Variants in SNX25 observed in about 807,000 individuals in gnomAD.
The protein encoded by SNX25 is sorting nexin-25.
SNX25 carries 62 observed loss-of-function variants against 113.7 expected under a neutral mutation model. That is an observed-to-expected ratio of 0.55 (90% confidence interval 0.44 to 0.67). The LOEUF (loss-of-function observed/expected upper bound fraction) is 0.67, where lower values mean the gene tolerates loss of function less well. SNX25 is among the 30% of genes least tolerant of loss of function. SNX25 has a pLI of 0.00. For missense variants in SNX25, 1,014 were observed against 1,161.0 expected (o/e 0.87, Z 1.84); for synonymous variants, 421 against 436.2 (o/e 0.97, Z 0.43).
chr4:185,216,413 G>A (rs1000922439), intron 1 of SNX25, among the ~76,000 whole-genome samples: 2 of 151,614 alleles, frequency 1.3e-5, no homozygotes, highest in African/African-American at 2.4e-5. Flanking sequence ...TATATGAATA[G>A]TGATAACTTC....
rs1219898678 is a variant in SNX25, at chr4:185,210,325, C to G, written c.429+70C>G. The G allele has an allele frequency of 2.0e-6, 2 of 984,182 alleles. No individual in the cohort carries two copies. Among genetic ancestry groups the G allele is most frequent in the Non-Finnish European group, 1.2e-6 (1 of 829,576 alleles). The allele number at this position is 984,182 out of a possible 1,614,324, so 61.0% of individuals were successfully genotyped here. ...GCTTCCGGTGCCAGCTCCCGCGCCC[C>G]GAGCTCCGGGGGGCCGCGGCATGCC... is the stretch of plus-strand genomic sequence containing the variant. On this transcript the variant is annotated intron_variant, in intron 1 of 18. Coordinates refer to ENST00000652585, the MANE Select transcript of SNX25 (RefSeq NM_001378034.2). This position sits in a 1 kb window ranked among gnomAD's most constrained non-coding sequence, Gnocchi z 4.4.
chr4:185,237,561 A>G (rs1234422312), intron 1 of SNX25, among the ~76,000 whole-genome samples: 1 of 151,860 alleles, frequency 6.6e-6, no homozygotes, highest in Non-Finnish European at 1.5e-5. Context: ...GTTGGTAAAC[A>G]TTTTGAGTTG....
At chr4:185,246,981 T>A (rs1579459896) in intron 1 of SNX25, among the ~76,000 whole-genome samples, 1 of 152,330 alleles carries the variant, frequency 6.6e-6, no homozygotes, top group East Asian at 1.9e-4. Flanking sequence ...CAAATTCTTC[T>A]TAAGAAAATT....
chr4:185,335,615 C>G (rs549889891), intron 10 of SNX25, among the ~76,000 whole-genome samples: 1 of 152,188 alleles, frequency 6.6e-6, no homozygotes, highest in East Asian at 1.9e-4. Flanking sequence ...TAAAATTAGC[C>G]TTTTAGTTTG....
intron 1 of SNX25, among the ~76,000 whole-genome samples, chr4:185,217,792 A>C (rs989092965): frequency 1.3e-5 from 2 of 152,210 alleles, no homozygotes; most frequent in Admixed American, 1.3e-4. Context: ...TTTGGTGCCG[A>C]GCGTTCAGGA....
Position 185,209,919 on chromosome 4 carries a change from C to T in SNX25, c.93C>T (p.Gly31=), listed in dbSNP as rs1737468394. The T allele has an allele frequency of 1.5e-5, 15 of 983,242 alleles. No individual in the cohort carries two copies. The highest frequency in any genetic ancestry group is 1.8e-5 in the Non-Finnish European group (15 of 829,160). The allele number at this position is 983,242 out of a possible 1,614,324, so 60.9% of individuals were successfully genotyped here. Residue 31 remains glycine, a synonymous_variant, in exon 1 of 19, where the codon GGC becomes GGT. Transcript: ENST00000652585. This position sits in a 1 kb window ranked among gnomAD's most constrained non-coding sequence, Gnocchi z 5.2. ...GCCGTCCTGTCTCGGGCTTCAGGGG[C>T]GAGCGGCGGCCGGAGTCCCCGGGGG... ...AGGRPVSGFR[G]ERRPESPGDA... is the part of the protein sequence containing the mutation.
chr4:185,312,805 G>A (rs754471036), intron 7 of SNX25, among the ~76,000 whole-genome samples: 36 of 152,288 alleles, frequency 2.4e-4, no homozygotes, highest in Middle Eastern at 3.4e-3. Context: ...GATTACAGGC[G>A]TGAGCCACTG....
chr4:185,256,179 G>A (rs945162642), intron 2 of SNX25, among the ~76,000 whole-genome samples: 1 of 152,108 alleles, frequency 6.6e-6, no homozygotes, highest in Non-Finnish European at 1.5e-5. Context: ...TATTTGCTGA[G>A]TAGTAAAAGA....
At chr4:185,372,189 C>T (rs74642353), downstream of SNX25, among the ~76,000 whole-genome samples, 2,274 of 152,224 alleles carry the variant, frequency 0.015, 29 homozygotes, top group Non-Finnish European at 0.022. Context: ...GAAATGAAGA[C>T]GTAATAAATG....
intron 1 of SNX25, among the ~76,000 whole-genome samples, chr4:185,224,493 A>ATATC (rs1181847340): frequency 1.4e-3 from 25 of 18,194 alleles, no homozygotes; most frequent in African/African-American, 2.1e-3. Context: ...ATATATAAAT[A>ATATC]GATATATAAA....
At chr4:185,370,789 C>T (rs554676880), downstream of SNX25, 157 of 1,614,046 alleles carry the variant, frequency 9.7e-5, 8 homozygotes, top group South Asian at 1.6e-3. Flanking sequence ...ATGGGGATGT[C>T]GTGAACCTCA....
At position 185,318,290 on chromosome 4, in the gene SNX25, T is replaced by C. The variant is rs947263571; in HGVS notation, c.1345-2443T>C. Among the ~76,000 whole-genome samples, 5 of 152,222 alleles carry C rather than the reference T, an allele frequency of 3.3e-5. No homozygotes were observed. In the East Asian group the frequency reaches 9.6e-4, roughly 29 times the overall value. On this transcript the variant is annotated intron_variant, in intron 7 of 18. Coordinates refer to ENST00000652585, the MANE Select transcript of SNX25 (RefSeq NM_001378034.2). ...TAATTTTTTATTACTAATTCAGAAC[T>C]AAGAATATAGGCCTTAAATTCCTCC... is the stretch of plus-strand genomic sequence containing the variant.
chr4:185,247,308 A>G lies in SNX25; in HGVS notation c.444A>G (p.Gly148=), dbSNP rs771328304. Residue 148 remains glycine, a synonymous_variant, in exon 2 of 19, where the codon GGA becomes GGG. Transcript: ENST00000652585. ...TTTCATTTCAGAGTCCTGTGTATGG[A>G]AACTCACATGAGTCAGCTCAGTCTA... is the stretch of plus-strand genomic sequence containing the variant. The part of the protein sequence containing the change: ...ARRPPGSPVY[G]NSHESAQSRR... 5 of 1,603,218 alleles carry G rather than the reference A, an allele frequency of 3.1e-6. No individual in the cohort carries two copies. The East Asian group carries it at 1.1e-4, about 36-fold the overall frequency.
chr4:185,321,437 A>T (rs146900257), intron 8 of SNX25, among the ~76,000 whole-genome samples: 26 of 151,866 alleles, frequency 1.7e-4, no homozygotes, highest in African/African-American at 6.3e-4. Flanking sequence ...TAATTTTTGT[A>T]TTTTTAGTAG....
intron 12 of SNX25, among the ~76,000 whole-genome samples, chr4:185,346,200 A>G (rs970232822): frequency 6.6e-6 from 1 of 152,192 alleles, no homozygotes; most frequent in Non-Finnish European, 1.5e-5. Flanking sequence ...AGATGTTAAA[A>G]ACACAACACC....
chr4:185,266,880 C>T (rs1748172261), intron 4 of SNX25, 89 bp from the exon 5 acceptor site: 2 of 1,328,306 alleles, frequency 1.5e-6, no homozygotes, highest in Non-Finnish European at 2.1e-6. Context: ...AAAAATGTTT[C>T]CCAAATGTAG....
At position 185,334,652 on chromosome 4, in the gene SNX25, A is replaced by C. The variant is rs73873427; in HGVS notation, c.1914+1893A>C. Among the ~76,000 whole-genome samples, 4,145 of 152,360 alleles carry C rather than the reference A, an allele frequency of 0.027. 89 individuals carry two copies. Among genetic ancestry groups the C allele is most frequent in the Middle Eastern group, 0.061 (18 of 294 alleles). Reference sequence around the variant, plus strand: ...AATGCATCTATGGGTAACAGTATGAAAGATGAGTTAGAGAATATTCATTGA... The same window carrying C: ...AATGCATCTATGGGTAACAGTATGACAGATGAGTTAGAGAATATTCATTGA... On this transcript the variant is annotated intron_variant, in intron 10 of 18. Transcript: ENST00000652585. This position sits in a 1 kb window ranked among gnomAD's most constrained non-coding sequence, Gnocchi z 4.2.
chr4:185,283,724 A>G (rs1233653488), intron 5 of SNX25, among the ~76,000 whole-genome samples: 1 of 152,210 alleles, frequency 6.6e-6, no homozygotes, highest in Non-Finnish European at 1.5e-5. Flanking sequence ...TATAGATCTC[A>G]TAATCATCTG....
intron 6 of SNX25, among the ~76,000 whole-genome samples, chr4:185,290,666 T>G (rs936668842): frequency 6.7e-6 from 1 of 149,206 alleles, no homozygotes; most frequent in Non-Finnish European, 1.5e-5. Flanking sequence ...ACAAAGTAAC[T>G]GTCAAGAATT....
Sources: gnomAD v4.1 joint callset for allele counts (sites outside exome capture counted in the v4.1 genomes callset) on GRCh38, gnomAD v4.1.1 for gene constraint, Gnocchi (gnomAD v3.1) non-coding constraint, MANE v1.5 for transcripts, NCBI Gene and HGNC (gene_info 2026-07-23, HGNC 2026-07-21) for gene names.